Variants in PTK7 observed in about 807,000 individuals in gnomAD.
The protein encoded by PTK7 is protein tyrosine kinase 7 (inactive).
PTK7 carries 39 observed loss-of-function variants against 116.6 expected under a neutral mutation model. The ratio of observed to expected loss-of-function variants is 0.33; its 90% CI spans 0.26 to 0.44. PTK7 has a LOEUF of 0.44. PTK7 is among the 20% of genes least tolerant of loss of function. The pLI is 1.00. For missense variants in PTK7, 1,169 were observed against 1,425.6 expected, an observed-to-expected ratio of 0.82 and a Z score of 2.90; for synonymous variants, 546 against 563.6, an observed-to-expected ratio of 0.97 and a Z score of 0.44.
chr6:43,136,334 CAA>C (rs59556544), intron 7 of PTK7, among the ~76,000 whole-genome samples: 27 of 133,386 alleles, frequency 2.0e-4, no homozygotes, highest in Non-Finnish European at 2.3e-4. Context: ...GACTCCAACT[CAA>C]AAAAAAAAAA....
chr6:43,106,856 T>C (rs1022684228), intron 1 of PTK7, among the ~76,000 whole-genome samples: 2 of 150,664 alleles, frequency 1.3e-5, no homozygotes, highest in South Asian at 2.1e-4. Flanking sequence ...CCTAAAGTGC[T>C]CTCCTCACCT....
In PTK7 at chr6:43,125,520, C is replaced by G. The variant is rs567636788; in HGVS notation, c.80-3457C>G. 9.2e-5 allele frequency among the ~76,000 whole-genome samples: 14 copies of G among 152,308 alleles called. No homozygotes were observed. The South Asian group carries it at 2.9e-3, about 32-fold the overall frequency. On this transcript the variant is annotated intron_variant, in intron 1 of 19. Coordinates refer to ENST00000230419, the MANE Select transcript of PTK7 (RefSeq NM_002821.5). Reference sequence around the variant, plus strand: ...GGTTCCTGCAAGCTCAGGGCCCCTTCCCCTCTATCCCACCCACCACCTGCT... The same window carrying G: ...GGTTCCTGCAAGCTCAGGGCCCCTTGCCCTCTATCCCACCCACCACCTGCT...
chr6:43,139,377 G>A lies in PTK7; in HGVS notation c.1499-29G>A, dbSNP rs749234249. The A allele has an allele frequency of 3.8e-5, 61 of 1,613,940 alleles. No individual in the cohort carries two copies. The highest frequency in any genetic ancestry group is 6.7e-5 in the East Asian group (3 of 44,888). On this transcript the variant is annotated intron_variant, in intron 9 of 19. Coordinates refer to ENST00000230419, the MANE Select transcript of PTK7 (RefSeq NM_002821.5). This position sits in a 1 kb window ranked among gnomAD's most constrained non-coding sequence, Gnocchi z 4.6. Reference sequence around the variant, plus strand: ...GCCTCTCCAGCGGCCCCAATTCCTCGTCTTTCTACCCACCCTCTGCTGAAA... The same window carrying A: ...GCCTCTCCAGCGGCCCCAATTCCTCATCTTTCTACCCACCCTCTGCTGAAA...
chr6:43,152,178 C>G (rs1771156485), intron 17 of PTK7, among the ~76,000 whole-genome samples: 1 of 143,294 alleles, frequency 7.0e-6, no homozygotes, highest in Non-Finnish European at 1.5e-5. Context: ...ACCTTCCTCA[C>G]TGGTTACACA....
rs763322590 is a variant in PTK7, at chr6:43,143,408, G to A, written c.2048-9G>A. 1.9e-6 allele frequency: 3 copies of A among 1,613,188 alleles called. No individual in the cohort carries two copies. In the East Asian group the frequency reaches 6.7e-5, roughly 36 times the overall value. On this transcript the variant is annotated splice_polypyrimidine_tract_variant and intron_variant, in intron 13 of 19. Coordinates refer to ENST00000230419, the MANE Select transcript of PTK7 (RefSeq NM_002821.5). This position sits in a 1 kb window ranked among gnomAD's most constrained non-coding sequence, Gnocchi z 4.2. The stretch of plus-strand genomic sequence containing the variant: ...AGCCCCTGCCCAGACCCATCTGTGT[G>A]TCTCTCAGACAAGCCTGTGCCGGAG...
At position 43,129,718 on chromosome 6, in the gene PTK7, C is replaced by T; in HGVS notation, c.368-9C>T. The T allele has an allele frequency of 6.2e-7, 1 of 1,613,888 alleles. No homozygotes were observed. Among genetic ancestry groups the T allele is most frequent in the Middle Eastern group, 1.6e-4 (1 of 6,062 alleles). Reference sequence around the variant, plus strand: ...CTGCCCCTCACTGCAACCGTGGCCTCTGCTACAGGGATTGAGGCAGGTCCT... The same window carrying T: ...CTGCCCCTCACTGCAACCGTGGCCTTTGCTACAGGGATTGAGGCAGGTCCT... On this transcript the variant is annotated splice_polypyrimidine_tract_variant and intron_variant, in intron 2 of 19. Coordinates refer to ENST00000230419, the MANE Select transcript of PTK7 (RefSeq NM_002821.5). This position sits in a 1 kb window ranked among gnomAD's most constrained non-coding sequence, Gnocchi z 4.5.
intron 1 of PTK7, among the ~76,000 whole-genome samples, chr6:43,112,889 C>T (rs983082985): frequency 2.0e-5 from 3 of 152,164 alleles, no homozygotes; most frequent in African/African-American, 7.2e-5. Context: ...AGTGCAGTGG[C>T]ACAATCATAG....
Position 43,076,472 on chromosome 6 carries a change from T to G in PTK7, c.-17T>G. On this transcript the variant is annotated 5_prime_UTR_variant, in exon 1 of 20. Transcript: ENST00000230419. The surrounding 1 kb of genome is among the most constrained non-coding windows in gnomAD (Gnocchi z 5.7). ...GCCCGCCGTGCGCCCTCAGCTCCTT[T>G]TCCTGAGCCCGCCGCGATGGGAGCT... 1.9e-6 allele frequency: 3 copies of G among 1,556,458 alleles called. No homozygotes were observed. The highest frequency in any genetic ancestry group is 2.0e-4 in the Middle Eastern group (1 of 4,960).
chr6:43,097,635 G>A (rs1181499632), intron 1 of PTK7, among the ~76,000 whole-genome samples: 3 of 152,092 alleles, frequency 2.0e-5, no homozygotes, highest in Non-Finnish European at 2.9e-5. Flanking sequence ...GTTCAAATGC[G>A]GGGCATTGCT....
In PTK7 at chr6:43,112,813, A is replaced by G. The variant is rs76096209; in HGVS notation, c.80-16164A>G. The stretch of plus-strand genomic sequence containing the variant: ...TTTCTGCCTTTGGTGGCTGGCATCA[A>G]AGTCAAATTCTTTGAGCCTTTTTTT... On this transcript the variant is annotated intron_variant, in intron 1 of 19. Transcript: ENST00000230419. Among the ~76,000 whole-genome samples the G allele has an allele frequency of 3.1e-4, 47 of 152,086 alleles. No homozygotes were observed. In the East Asian group the frequency reaches 9.2e-3, roughly 30 times the overall value.
intron 1 of PTK7, among the ~76,000 whole-genome samples, chr6:43,112,575 G>A (rs1768255531): frequency 6.6e-6 from 1 of 151,898 alleles, no homozygotes; most frequent in Admixed American, 6.6e-5. Flanking sequence ...CACCACACCT[G>A]GCTAATTTTT....
At chr6:43,160,549 G>T (rs1013027632) in intron 19 of PTK7, among the ~76,000 whole-genome samples, 172 bp from the exon 20 acceptor site, 3 of 152,206 alleles carry the variant, frequency 2.0e-5, no homozygotes, top group African/African-American at 7.2e-5. Context: ...CAGCCAGAGT[G>T]AGTGGGGCCA....
intron 1 of PTK7, among the ~76,000 whole-genome samples, chr6:43,091,924 G>A (rs1313381362): frequency 6.6e-6 from 1 of 152,030 alleles, no homozygotes; most frequent in African/African-American, 2.4e-5. Flanking sequence ...GTGCAGTGGC[G>A]CGATCTCAGC....
chr6:43,079,953 C>G (rs1016115814), intron 1 of PTK7, among the ~76,000 whole-genome samples: 3 of 148,322 alleles, frequency 2.0e-5, no homozygotes, highest in Non-Finnish European at 4.5e-5. Flanking sequence ...CCCAGCTGCC[C>G]AGGAGACTGA....
At chr6:43,107,545 C>T (rs1321389540) in intron 1 of PTK7, among the ~76,000 whole-genome samples, 2 of 152,172 alleles carry the variant, frequency 1.3e-5, no homozygotes, top group African/African-American at 4.8e-5. Context: ...TAAGTGGTAG[C>T]TGTTACTTTA....
At chr6:43,127,441 A>C (rs541361516) in intron 1 of PTK7, among the ~76,000 whole-genome samples, 3 of 152,194 alleles carry the variant, frequency 2.0e-5, no homozygotes, top group Non-Finnish European at 4.4e-5. Context: ...TCTGCCATAC[A>C]GTGTAGGCTT....
chr6:43,105,767 A>T (rs1440655260), intron 1 of PTK7, among the ~76,000 whole-genome samples: 1 of 152,212 alleles, frequency 6.6e-6, no homozygotes, highest in African/African-American at 2.4e-5. Context: ...GGGATTGCTG[A>T]CAGCCACCAG....
In PTK7 at chr6:43,143,914, C is replaced by A. The variant is rs113372575; in HGVS notation, c.2251+294C>A. Among the ~76,000 whole-genome samples, 6 of 152,350 alleles carry A rather than the reference C, an allele frequency of 3.9e-5. No homozygotes were observed. Among genetic ancestry groups the A allele is most frequent in the South Asian group, 2.1e-4 (1 of 4,834 alleles). On this transcript the variant is annotated intron_variant, in intron 14 of 19. Transcript: ENST00000230419. The surrounding 1 kb of genome is among the most constrained non-coding windows in gnomAD (Gnocchi z 4.2). ...CAGATATCATTAGTATATGTACACA[C>A]GTTGCTGTTGCATGTCTTGTCTCCC... is the stretch of plus-strand genomic sequence containing the variant.
chr6:43,122,329 C>T (rs1306978287), intron 1 of PTK7, among the ~76,000 whole-genome samples: 1 of 152,080 alleles, frequency 6.6e-6, no homozygotes, highest in Non-Finnish European at 1.5e-5. Context: ...TTCAGAGTTT[C>T]CAAGTGGTGG....
Sources: gnomAD v4.1 joint callset for allele counts (sites outside exome capture counted in the v4.1 genomes callset) on GRCh38, gnomAD v4.1.1 for gene constraint, Gnocchi (gnomAD v3.1) non-coding constraint, MANE v1.5 for transcripts, NCBI Gene and HGNC (gene_info 2026-07-23, HGNC 2026-07-21) for gene names.